TSPAN32: variants seen among roughly 807,000 people sequenced by gnomAD.
TSPAN32 encodes the protein tetraspanin-32.
A neutral mutation model predicts 42.7 loss-of-function variants in TSPAN32; 47 were observed. The ratio of observed to expected loss-of-function variants is 1.10; its 90% CI spans 0.87 to 1.40. The LOEUF is 1.40. Among genes scored for constraint, TSPAN32 ranks in the 40% most tolerant of loss-of-function variants. The probability of loss-of-function intolerance (pLI) is 0.00; values close to 1 mark genes in which losing one functional copy is unlikely to be tolerated. For synonymous variants in TSPAN32, 175 were observed against 175.9 expected (o/e 0.99, Z 0.04); for missense variants, 469 against 424.1 (o/e 1.11, Z -0.93).
chr11:2,306,962 G>GGT (rs1848152625), intron 3 of TSPAN32: 1 of 16,516 alleles, frequency 6.1e-5, no homozygotes, highest in Admixed American at 3.6e-4. Context: ...GGAGGGAGAA[G>GGT]GAGGAGGAAA....
chr11:2,303,017 C>G, intron 2 of TSPAN32, 59 bp downstream of exon 2: 1 of 1,485,160 alleles, frequency 6.7e-7, no homozygotes, highest in Non-Finnish European at 9.3e-7. Context: ...GGGTGGCTGG[C>G]ACGAGCCCAG....
intron 3 of TSPAN32, among the ~76,000 whole-genome samples, chr11:2,306,587 G>A (rs540257880): frequency 1.1e-4 from 16 of 151,294 alleles, no homozygotes; most frequent in South Asian, 4.2e-4. Context: ...GAGAGAGGCC[G>A]TGGATGCTCT....
chr11:2,314,748 T>C (rs754033046), intron 6 of TSPAN32, 177 bp downstream of exon 6: 1 of 603,932 alleles, frequency 1.7e-6, no homozygotes, highest in Non-Finnish European at 2.9e-6. Flanking sequence ...CTAGTTAGGG[T>C]TCATGGTACG....
At chr11:2,315,952 C>G in intron 6 of TSPAN32, 1 of 1,528,030 alleles carries the variant, frequency 6.5e-7, no homozygotes, top group South Asian at 1.2e-5. Context: ...ACGTGTGGCC[C>G]AACATGGACG....
intron 4 of TSPAN32, among the ~76,000 whole-genome samples, chr11:2,312,724 G>C (rs944379292): frequency 2.0e-5 from 3 of 152,348 alleles, no homozygotes; most frequent in Middle Eastern, 3.4e-3. Flanking sequence ...AGTGGCTAGA[G>C]CGGGCCTGGG....
chr11:2,307,838 G>A (rs984899090), intron 3 of TSPAN32, among the ~76,000 whole-genome samples: 8 of 152,158 alleles, frequency 5.3e-5, no homozygotes, highest in Admixed American at 4.6e-4. Flanking sequence ...GGCAGAGTAT[G>A]GAGAGAAAGT....
At position 2,313,572 on chromosome 11, in the gene TSPAN32, G is replaced by A; in HGVS notation, c.355-82G>A. The A allele has an allele frequency of 1.1e-5, 12 of 1,122,636 alleles. No individual in the cohort carries two copies. The highest frequency in any genetic ancestry group is 1.6e-5 in the Non-Finnish European group (12 of 773,080). 69.5% of individuals were successfully genotyped at this position (1,122,636 alleles called of 1,614,324 possible). On this transcript the variant is annotated intron_variant, in intron 4 of 9. Coordinates refer to ENST00000182290, the MANE Select transcript of TSPAN32 (RefSeq NM_139022.3). This position sits in a 1 kb window ranked among gnomAD's most constrained non-coding sequence, Gnocchi z 9.1. ...GTCACTCAGCACTAAGGGCCCACTA[G>A]CGTTTGGGATGTCGTGGGGAGGGGG...
intron 6 of TSPAN32, chr11:2,315,160 T>TGCCC: frequency 3.2e-5 from 21 of 646,426 alleles, no homozygotes; most frequent in Non-Finnish European, 4.4e-5. Flanking sequence ...CCGGCAGCCC[T>TGCCC]CCCCCAGCCC....
intron 4 of TSPAN32, chr11:2,310,010 G>T (rs1025521666): frequency 6.6e-6 from 1 of 152,610 alleles, no homozygotes; most frequent in Non-Finnish European, 1.5e-5. Flanking sequence ...TCCCAGAGGG[G>T]CTGAGCCCCC....
At chr11:2,310,937 T>C (rs1335157032) in intron 4 of TSPAN32, among the ~76,000 whole-genome samples, 1 of 152,058 alleles carries the variant, frequency 6.6e-6, no homozygotes, top group African/African-American at 2.4e-5. Context: ...CAGAGCCGAA[T>C]GGGCTTCAAC....
chr11:2,314,303 C>T (rs971097286), intron 5 of TSPAN32, among the ~76,000 whole-genome samples, 182 bp from the exon 6 acceptor site: 1 of 152,220 alleles, frequency 6.6e-6, no homozygotes, highest in Non-Finnish European at 1.5e-5. Context: ...GCTCCCCTTA[C>T]CAGGGCCCGG....
At chr11:2,302,762 C>T in intron 1 of TSPAN32, 82 bp from the exon 2 acceptor site, 3 of 1,171,832 alleles carry the variant, frequency 2.6e-6, no homozygotes, top group Non-Finnish European at 3.7e-6. Flanking sequence ...CTGGAGAGAG[C>T]CCCAACCCTG....
intron 6 of TSPAN32, 59 bp downstream of exon 6, chr11:2,314,630 G>T: frequency 2.8e-6 from 4 of 1,423,372 alleles, no homozygotes; most frequent in Admixed American, 2.0e-5. Context: ...ACACCCTGGG[G>T]CCCAACCCCA....
rs1370266506 is a variant in TSPAN32 at position 2,302,112 on chromosome 11, G to A, written c.-38G>A. 3.4e-6 allele frequency: 5 copies of A among 1,485,208 alleles called. No individual in the cohort carries two copies. The highest frequency in any genetic ancestry group is 2.5e-5 in the Admixed American group (1 of 39,868). The allele number at this position is 1,485,208 out of a possible 1,614,324, so 92.0% of individuals were successfully genotyped here. ...CTGCCCAGCTGGAAACCACAGGGAG[G>A]GGAAGGGAGGGGAGGAGAGGAGAGG... On this transcript the variant is annotated 5_prime_UTR_variant, in exon 1 of 10. Coordinates refer to ENST00000182290, the MANE Select transcript of TSPAN32 (RefSeq NM_139022.3).
At chr11:2,316,985 C>T (rs1335402404) in intron 8 of TSPAN32, among the ~76,000 whole-genome samples, 1 of 152,042 alleles carries the variant, frequency 6.6e-6, no homozygotes, top group Non-Finnish European at 1.5e-5. Context: ...CTTGAATACC[C>T]CAGAGCTCCT....
intron 3 of TSPAN32, among the ~76,000 whole-genome samples, chr11:2,306,524 G>T (rs570062072): frequency 6.6e-6 from 1 of 150,646 alleles, no homozygotes; most frequent in African/African-American, 2.5e-5. Flanking sequence ...TCCTCTCTGC[G>T]CGGGAGGTTG....
chr11:2,315,591 G>A (rs1848738410), intron 6 of TSPAN32: 14 of 1,178,868 alleles, frequency 1.2e-5, no homozygotes, highest in South Asian at 1.6e-5. Flanking sequence ...TGGCATGGGC[G>A]GGAGGGAGGC....
chr11:2,315,667 C>T (rs1791988237), intron 6 of TSPAN32: 1 of 1,191,180 alleles, frequency 8.4e-7, no homozygotes, highest in Admixed American at 3.5e-5. Flanking sequence ...CAGGCCGCCC[C>T]AGTTGCCATC....
chr11:2,312,528 G>A (rs1848521439), intron 4 of TSPAN32, among the ~76,000 whole-genome samples: 1 of 152,236 alleles, frequency 6.6e-6, no homozygotes, highest in African/African-American at 2.4e-5. Flanking sequence ...AGGGTCAGGA[G>A]CCAAGTTTGG....
Sources: allele counts gnomAD v4.1 joint callset (sites outside exome capture counted in the v4.1 genomes callset), GRCh38; gene constraint gnomAD v4.1.1; non-coding constraint Gnocchi (gnomAD v3.1); transcripts MANE v1.5; gene names NCBI Gene and HGNC (gene_info 2026-07-23, HGNC 2026-07-21).